TTC6: variants seen among roughly 807,000 people sequenced by gnomAD.
The protein encoded by TTC6 is tetratricopeptide repeat protein 6.
Under a neutral mutation model 210.4 loss-of-function variants are expected in TTC6, and 172 were observed. The observed-to-expected ratio is 0.82, with a 90% CI of 0.72 to 0.93. The LOEUF is 0.93. Ranked by LOEUF, TTC6 falls within the 40% of genes least tolerant of loss-of-function variation. TTC6 has a pLI of 0.00. For missense variants in TTC6, 2,414 were observed against 2,318.1 expected, an observed-to-expected ratio of 1.04 and a Z score of -0.85; for synonymous variants, 804 against 819.6, an observed-to-expected ratio of 0.98 and a Z score of 0.32.
chr14:37,640,833 G>A (rs920039518), intron 1 of TTC6, among the ~76,000 whole-genome samples: 1 of 152,132 alleles, frequency 6.6e-6, no homozygotes, highest in Admixed American at 6.6e-5. Flanking sequence ...ATGAGCCATC[G>A]CACCTAGCCA....
At chr14:37,689,430 C>T (rs920994133) in intron 3 of TTC6, among the ~76,000 whole-genome samples, 1 of 151,814 alleles carries the variant, frequency 6.6e-6, no homozygotes, top group Non-Finnish European at 1.5e-5. Flanking sequence ...GAGAACTTCC[C>T]CAACCTGAAG....
At chr14:37,625,114 C>T (rs1284202454) in intron 1 of TTC6, among the ~76,000 whole-genome samples, 1 of 151,988 alleles carries the variant, frequency 6.6e-6, no homozygotes, top group Non-Finnish European at 1.5e-5. Flanking sequence ...TTTTGACACC[C>T]CCACCCCACA....
At chr14:37,687,339 A>G (rs1017457174) in intron 3 of TTC6, among the ~76,000 whole-genome samples, 1 of 152,128 alleles carries the variant, frequency 6.6e-6, no homozygotes, top group Non-Finnish European at 1.5e-5. Flanking sequence ...TTGATTTCTT[A>G]AAAGCCTTGC....
chr14:37,655,655 C>A (rs2095721019), intron 1 of TTC6, among the ~76,000 whole-genome samples: 1 of 152,104 alleles, frequency 6.6e-6, no homozygotes, highest in South Asian at 2.1e-4. Context: ...CATGAAAGGA[C>A]CCCAAATAAT....
chr14:37,703,809 A>C (rs991171427), intron 5 of TTC6, among the ~76,000 whole-genome samples: 1 of 152,094 alleles, frequency 6.6e-6, no homozygotes, highest in Non-Finnish European at 1.5e-5. Flanking sequence ...TATTGGCCTT[A>C]TTTTTGCTTT....
chr14:37,791,339 A>C (rs1011259341), intron 16 of TTC6, among the ~76,000 whole-genome samples: 1 of 152,194 alleles, frequency 6.6e-6, no homozygotes, highest in Non-Finnish European at 1.5e-5. Flanking sequence ...TCAGGGAGAA[A>C]TATAGACTGA....
exon 22 of TTC6, chr14:37,806,478 C>G (rs1206291760): frequency 2.6e-6 from 4 of 1,534,316 alleles, no homozygotes; most frequent in Admixed American, 2.0e-5. Flanking sequence ...GGATTTTAAT[C>G]GTGCAATTAC....
chr14:37,704,366 A>G (rs1406280028), intron 5 of TTC6, among the ~76,000 whole-genome samples: 1 of 152,148 alleles, frequency 6.6e-6, no homozygotes, highest in Non-Finnish European at 1.5e-5. Context: ...GATAGTTACT[A>G]TTATAACCAA....
At chr14:37,702,972 C>G (rs2095828348) in intron 5 of TTC6, among the ~76,000 whole-genome samples, 1 of 151,928 alleles carries the variant, frequency 6.6e-6, no homozygotes, top group African/African-American at 2.4e-5. Flanking sequence ...TTTGCTTTAT[C>G]AAATTAAATT....
chr14:37,813,482 T>C (rs1404537819), intron 25 of TTC6, among the ~76,000 whole-genome samples: 1 of 152,148 alleles, frequency 6.6e-6, no homozygotes, highest in East Asian at 1.9e-4. Context: ...AAGCCCATGT[T>C]ATTCTCTGAA....
At chr14:37,630,128 A>C (rs1247716243) in intron 1 of TTC6, among the ~76,000 whole-genome samples, 1 of 151,854 alleles carries the variant, frequency 6.6e-6, no homozygotes, top group Non-Finnish European at 1.5e-5. Flanking sequence ...CTAGCTTTTA[A>C]ATTTATTTGT....
exon 18 of TTC6, chr14:37,795,337 A>C: frequency 6.5e-7 from 1 of 1,527,654 alleles, no homozygotes. Context: ...GATGGAATCC[A>C]ATTATACATA....
chr14:37,763,566 T>C (rs1226297234), intron 14 of TTC6, among the ~76,000 whole-genome samples: 1 of 152,184 alleles, frequency 6.6e-6, no homozygotes, highest in Non-Finnish European at 1.5e-5. Context: ...TCATTTCTTC[T>C]AAGTTCTTCC....
At chr14:37,652,188 A>G (rs1432202625) in intron 1 of TTC6, among the ~76,000 whole-genome samples, 2 of 152,240 alleles carry the variant, frequency 1.3e-5, no homozygotes, top group African/African-American at 4.8e-5. Flanking sequence ...AAATGACAGT[A>G]AACTATTAGA....
At chr14:37,671,897 C>T (rs1401524115) in intron 1 of TTC6, among the ~76,000 whole-genome samples, 2 of 152,112 alleles carry the variant, frequency 1.3e-5, no homozygotes, top group East Asian at 3.9e-4. Flanking sequence ...TGTGCTCACA[C>T]TGCCCTGCTG....
chr14:37,609,562 A>G (rs559457001), intron 2 of TTC6, among the ~76,000 whole-genome samples: 256 of 152,302 alleles, frequency 1.7e-3, no homozygotes, highest in Middle Eastern at 6.8e-3. Flanking sequence ...TGCCTAGTTC[A>G]TGGATTGTAT....
intron 6 of TTC6, among the ~76,000 whole-genome samples, chr14:37,722,186 T>G (rs1204350615): frequency 6.6e-6 from 1 of 152,026 alleles, no homozygotes; most frequent in Non-Finnish European, 1.5e-5. Context: ...TTAGGAGGTA[T>G]GCAGGAACTG....
intron 7 of TTC6, among the ~76,000 whole-genome samples, chr14:37,727,468 T>C (rs916034936): frequency 2.0e-5 from 3 of 151,770 alleles, no homozygotes; most frequent in Non-Finnish European, 1.5e-5. Flanking sequence ...TAATTTTTTG[T>C]ATTTTTAGTA....
At chr14:37,673,754 T>C (rs187851334) in intron 1 of TTC6, among the ~76,000 whole-genome samples, 1 of 152,256 alleles carries the variant, frequency 6.6e-6, no homozygotes, top group Admixed American at 6.5e-5. Flanking sequence ...TGGGTGTCCT[T>C]TGGGTTTTAC....
Sources: allele counts gnomAD v4.1 joint callset (sites outside exome capture counted in the v4.1 genomes callset), GRCh38; gene constraint gnomAD v4.1.1; transcripts MANE v1.5; gene names NCBI Gene and HGNC (gene_info 2026-07-23, HGNC 2026-07-21).